ARMH3: variants seen among roughly 807,000 people sequenced by gnomAD.
ARMH3 encodes armadillo like helical domain containing 3, also known as armadillo-like helical domain-containing protein 3.
Under a neutral mutation model 99.1 loss-of-function variants are expected in ARMH3, and 60 were observed. The observed-to-expected ratio is 0.61, with a 90% CI of 0.49 to 0.75. The LOEUF (loss-of-function observed/expected upper bound fraction) is 0.75. ARMH3 is among the 30% of genes least tolerant of loss of function. ARMH3 has a pLI of 0.00. For synonymous variants in ARMH3, 285 were observed against 292.8 expected (o/e 0.97, Z 0.27); for missense variants, 679 against 843.1 (o/e 0.81, Z 2.41).
At chr10:101,936,965 A>G (rs1431089689) in intron 23 of ARMH3, among the ~76,000 whole-genome samples, 1 of 152,216 alleles carries the variant, frequency 6.6e-6, no homozygotes, top group East Asian at 1.9e-4. Flanking sequence ...ACCTGGTGAA[A>G]TAGTTGCTAT....
intron 24 of ARMH3, among the ~76,000 whole-genome samples, chr10:101,879,034 T>G (rs2067342693): frequency 6.6e-6 from 1 of 152,182 alleles, no homozygotes; most frequent in South Asian, 2.1e-4. Flanking sequence ...TCGTCAGTGT[T>G]TTTTGTCCTC....
At chr10:101,917,370 C>T (rs1453901581) in intron 23 of ARMH3, among the ~76,000 whole-genome samples, 2 of 152,200 alleles carry the variant, frequency 1.3e-5, no homozygotes, top group African/African-American at 4.8e-5. Flanking sequence ...CCTTTTGGAT[C>T]TGGATAGTTT....
At chr10:101,853,350 C>T (rs2066652618) in intron 24 of ARMH3, among the ~76,000 whole-genome samples, 1 of 152,198 alleles carries the variant, frequency 6.6e-6, no homozygotes, top group East Asian at 1.9e-4. Context: ...GGCCCCAACC[C>T]ATCCAAGACT....
intron 1 of ARMH3, among the ~76,000 whole-genome samples, chr10:102,053,214 T>TTA (rs2067749940): frequency 2.0e-5 from 1 of 49,008 alleles, no homozygotes; most frequent in African/African-American, 7.9e-5. Context: ...CCTCAGAAGC[T>TTA]AAAAAAAAAA....
intron 23 of ARMH3, among the ~76,000 whole-genome samples, chr10:101,931,144 G>A (rs1033379094): frequency 2.0e-5 from 3 of 152,170 alleles, no homozygotes; most frequent in Non-Finnish European, 2.9e-5. Context: ...AGGAAAAAAC[G>A]GGAGAGGCTC....
At chr10:102,023,009 A>G (rs908576704) in intron 8 of ARMH3, among the ~76,000 whole-genome samples, 15 of 152,114 alleles carry the variant, frequency 9.9e-5, no homozygotes, top group African/African-American at 3.6e-4. Context: ...ACCAACATGG[A>G]GAAACCTATC....
intron 19 of ARMH3, among the ~76,000 whole-genome samples, chr10:101,979,045 G>A (rs1175314305): frequency 6.6e-6 from 1 of 152,112 alleles, no homozygotes; most frequent in Non-Finnish European, 1.5e-5. Context: ...TCAGAAGGCT[G>A]AAACAGGAGG....
chr10:101,880,220 T>C (rs989813730), intron 24 of ARMH3, among the ~76,000 whole-genome samples: 1 of 152,230 alleles, frequency 6.6e-6, no homozygotes, highest in East Asian at 1.9e-4. Flanking sequence ...GTGGGAGTCT[T>C]ACATCTCAGC....
In ARMH3 at chr10:101,849,874, C is replaced by T. The variant is rs574878723; in HGVS notation, c.1879G>A (p.Ala627Thr). 2 of 1,614,068 alleles carry T rather than the reference C, an allele frequency of 1.2e-6. No individual in the cohort carries two copies. The highest frequency in any genetic ancestry group is 2.2e-5 in the South Asian group (2 of 91,088). The part of the protein sequence containing the change: ...SEEQVLEVVR[A>T]NYDTLTLKLQ... ...TTCAGCGTGAGCGTGTCATAGTTGG[C>T]TCTCACCACCTCCAGCACCTGGAGG... The change falls in exon 25 of 26, where the codon GCC (alanine) becomes ACC (threonine). Residue 627 changes from alanine (A) to threonine (T), a missense_variant. Coordinates refer to ENST00000370033, the MANE Select transcript of ARMH3 (RefSeq NM_024541.3).
chr10:102,050,242 A>G (rs1401267914), intron 1 of ARMH3, among the ~76,000 whole-genome samples: 1 of 151,984 alleles, frequency 6.6e-6, no homozygotes, highest in Non-Finnish European at 1.5e-5. Context: ...GGAGATTGAG[A>G]CCATCCTGGC....
chr10:101,956,724 C>T lies in ARMH3; in HGVS notation c.1579-1G>A. Reference sequence around the variant, plus strand: ...TAAACATATTAAATAGGTTCACAATCTAAAAAAGAAGGAAAGGCCCATATA... The same window carrying T: ...TAAACATATTAAATAGGTTCACAATTTAAAAAAGAAGGAAAGGCCCATATA... On this transcript the variant is annotated splice_acceptor_variant, in intron 21 of 25. Coordinates refer to ENST00000370033, the MANE Select transcript of ARMH3 (RefSeq NM_024541.3). LOFTEE classifies it high-confidence loss of function. 6.2e-7 allele frequency: 1 copy of T among 1,612,126 alleles called. No homozygotes were observed.
At chr10:101,992,204 C>T (rs532807500) in intron 17 of ARMH3, among the ~76,000 whole-genome samples, 166 bp from the exon 18 acceptor site, 50 of 152,122 alleles carry the variant, frequency 3.3e-4, no homozygotes, top group African/African-American at 1.2e-3. Flanking sequence ...TGGGATGAGG[C>T]GGGGAAGGGA....
chr10:101,871,464 C>T (rs182363163), intron 24 of ARMH3, among the ~76,000 whole-genome samples: 165 of 152,200 alleles, frequency 1.1e-3, no homozygotes, highest in Non-Finnish European at 1.4e-3. Flanking sequence ...TAAATTTAGA[C>T]GTATAGACCA....
At chr10:101,927,346 G>A (rs969780306) in intron 23 of ARMH3, among the ~76,000 whole-genome samples, 1 of 152,140 alleles carries the variant, frequency 6.6e-6, no homozygotes, top group Admixed American at 6.5e-5. Flanking sequence ...CTAAAGAGAA[G>A]GAGAGAATGT....
At chr10:102,006,659 GA>G in intron 13 of ARMH3, 26 bp from the exon 14 acceptor site, 1 of 1,598,094 alleles carries the variant, frequency 6.3e-7, no homozygotes. Context: ...AGATGTGTAA[GA>G]AAACAGAAAA....
At chr10:101,935,841 C>G (rs550196613) in intron 23 of ARMH3, among the ~76,000 whole-genome samples, 26 of 152,308 alleles carry the variant, frequency 1.7e-4, no homozygotes, top group African/African-American at 6.3e-4. Context: ...AATTTTACTA[C>G]TAAGTGTTTA....
chr10:101,996,006 T>C (rs912521775), intron 15 of ARMH3, among the ~76,000 whole-genome samples: 1 of 152,222 alleles, frequency 6.6e-6, no homozygotes, highest in African/African-American at 2.4e-5. Flanking sequence ...CAAAGGTCCC[T>C]GGTCTCTCAC....
intron 19 of ARMH3, among the ~76,000 whole-genome samples, chr10:101,978,467 T>A (rs560388333): frequency 6.6e-6 from 1 of 152,278 alleles, no homozygotes; most frequent in African/African-American, 2.4e-5. Context: ...AGCTACCACA[T>A]AACCCAGCAA....
chr10:101,982,391 GA>G (rs759202955), intron 19 of ARMH3, among the ~76,000 whole-genome samples: 4 of 151,782 alleles, frequency 2.6e-5, no homozygotes, highest in Non-Finnish European at 5.9e-5. Flanking sequence ...CTCAAAAAAA[GA>G]AAAAAACATG....
Sources: gnomAD v4.1 joint callset for allele counts (sites outside exome capture counted in the v4.1 genomes callset) on GRCh38, gnomAD v4.1.1 for gene constraint, MANE v1.5 for transcripts, NCBI Gene and HGNC (gene_info 2026-07-23, HGNC 2026-07-21) for gene names.